Variants in KCNIP1 observed in about 807,000 individuals in gnomAD.
The protein encoded by KCNIP1 is potassium voltage-gated channel interacting protein 1.
KCNIP1 carries 18 observed loss-of-function variants against 33.0 expected under a neutral mutation model. That is an observed-to-expected ratio of 0.55 (90% CI 0.38 to 0.81). KCNIP1 has a LOEUF of 0.81. Ranked by LOEUF, KCNIP1 falls within the 30% of genes least tolerant of loss-of-function variation. The pLI, the probability that KCNIP1 is intolerant of heterozygous loss-of-function variation, is 0.00. For missense variants in KCNIP1, 238 were observed against 271.6 expected, an observed-to-expected ratio of 0.88 and a Z score of 0.87; for synonymous variants, 93 against 98.3, an observed-to-expected ratio of 0.95 and a Z score of 0.32.
At chr5:170,353,955 C>T in exon 1 of KCNIP1, 1 of 1,614,096 alleles carries the variant, frequency 6.2e-7, no homozygotes, top group South Asian at 1.1e-5. Flanking sequence ...CACTGGGACC[C>T]TCAGCAAAGG....
At chr5:170,527,134 T>C (rs186700839) in intron 1 of KCNIP1, among the ~76,000 whole-genome samples, 35 of 152,298 alleles carry the variant, frequency 2.3e-4, no homozygotes, top group Admixed American at 2.3e-3. Flanking sequence ...CCTTTCTCCA[T>C]GCTCCAAAAC....
intron 1 of KCNIP1, among the ~76,000 whole-genome samples, chr5:170,563,628 TTTTG>T (rs1757107595): frequency 1.2e-5 from 1 of 86,182 alleles, no homozygotes; most frequent in Non-Finnish European, 2.2e-5. Flanking sequence ...TTTTAAGGTG[TTTTG>T]TTTTTTTTTT....
intron 1 of KCNIP1, among the ~76,000 whole-genome samples, chr5:170,598,942 T>TGTGTGTGTG (rs1758581504): frequency 1.4e-5 from 2 of 146,370 alleles, no homozygotes; most frequent in South Asian, 2.2e-4. Context: ...TGTGTGTGTG[T>TGTGTGTGTG]TTGGTGGGGT....
At chr5:170,404,275 T>C (rs1163881137) in intron 1 of KCNIP1, among the ~76,000 whole-genome samples, 1 of 152,262 alleles carries the variant, frequency 6.6e-6, no homozygotes, top group Non-Finnish European at 1.5e-5. Flanking sequence ...TACCATTTAA[T>C]AAATGTACTA....
At chr5:170,575,232 C>G (rs1757557769) in intron 1 of KCNIP1, among the ~76,000 whole-genome samples, 1 of 152,152 alleles carries the variant, frequency 6.6e-6, no homozygotes, top group African/African-American at 2.4e-5. Flanking sequence ...AGTTTTATAG[C>G]TGAATAAGAG....
upstream of KCNIP1, among the ~76,000 whole-genome samples, chr5:170,503,393 C>CAAAAA (rs10628243): frequency 4.4e-5 from 5 of 112,500 alleles, no homozygotes; most frequent in Admixed American, 9.1e-5. Context: ...GACTCCGTCT[C>CAAAAA]AAAAAAAAAA....
At chr5:170,614,986 C>T (rs893185025) in intron 1 of KCNIP1, among the ~76,000 whole-genome samples, 2 of 152,260 alleles carry the variant, frequency 1.3e-5, no homozygotes, top group Admixed American at 6.5e-5. Context: ...GAGGCCAAGG[C>T]GGGTGAATCA....
At chr5:170,681,100 A>G (rs1249399210) in intron 1 of KCNIP1, 3 of 399,386 alleles carry the variant, frequency 7.5e-6, no homozygotes, top group Non-Finnish European at 8.8e-6. Context: ...GAAGGGCTCC[A>G]GACACTGGGA....
chr5:170,723,959 G>A (rs2113879307), intron 5 of KCNIP1, among the ~76,000 whole-genome samples: 1 of 152,338 alleles, frequency 6.6e-6, no homozygotes, highest in East Asian at 1.9e-4. Flanking sequence ...GTATGAAGCT[G>A]AAGACTAGTG....
At chr5:170,663,269 A>G (rs1447771102) in intron 1 of KCNIP1, among the ~76,000 whole-genome samples, 2 of 152,178 alleles carry the variant, frequency 1.3e-5, no homozygotes, top group Non-Finnish European at 2.9e-5. Context: ...TTTGACTTTA[A>G]AGTCCCAGCC....
At chr5:170,675,636 G>T (rs1033163430) in intron 1 of KCNIP1, among the ~76,000 whole-genome samples, 11 of 152,206 alleles carry the variant, frequency 7.2e-5, no homozygotes, top group African/African-American at 1.9e-4. Context: ...AAAATAAATT[G>T]CTCTGTAAGT....
chr5:170,381,568 G>A (rs966717310), intron 1 of KCNIP1, among the ~76,000 whole-genome samples: 1 of 152,176 alleles, frequency 6.6e-6, no homozygotes, highest in East Asian at 1.9e-4. Context: ...GCAAAAACAC[G>A]AAGGGCATTT....
At chr5:170,593,743 C>T (rs926445194) in intron 1 of KCNIP1, among the ~76,000 whole-genome samples, 2 of 152,164 alleles carry the variant, frequency 1.3e-5, no homozygotes, top group African/African-American at 4.8e-5. Flanking sequence ...GGCCTCATCC[C>T]TGTGTTCTCA....
intron 1 of KCNIP1, among the ~76,000 whole-genome samples, chr5:170,370,616 T>C (rs1763818593): frequency 1.3e-5 from 2 of 152,216 alleles, no homozygotes; most frequent in Non-Finnish European, 2.9e-5. Flanking sequence ...TGAGGCTGCT[T>C]GGGGCGAATG....
At chr5:170,623,235 T>C (rs1406187923) in intron 1 of KCNIP1, among the ~76,000 whole-genome samples, 3 of 151,336 alleles carry the variant, frequency 2.0e-5, no homozygotes, top group African/African-American at 7.3e-5. Context: ...TTTTTTGAGA[T>C]GGAGTTTCGC....
intron 1 of KCNIP1, among the ~76,000 whole-genome samples, chr5:170,458,329 A>G (rs1023497154): frequency 3.3e-5 from 5 of 152,216 alleles, no homozygotes; most frequent in Non-Finnish European, 5.9e-5. Flanking sequence ...AGACATCCAA[A>G]TACAAGAGGC....
At chr5:170,689,309 G>C (rs1762641418) in intron 1 of KCNIP1, among the ~76,000 whole-genome samples, 1 of 152,206 alleles carries the variant, frequency 6.6e-6, no homozygotes, top group Middle Eastern at 3.2e-3. Flanking sequence ...ATCAGAAAGA[G>C]AGCCTTGCAT....
chr5:170,698,935 G>A (rs1031981567), intron 1 of KCNIP1, among the ~76,000 whole-genome samples: 2 of 151,974 alleles, frequency 1.3e-5, no homozygotes, highest in Non-Finnish European at 2.9e-5. Flanking sequence ...CCAAGCCGGA[G>A]GATCTCCACC....
Position 170,504,678 on chromosome 5 carries a change from T to TG in KCNIP1, c.61+46dup. On this transcript the variant is annotated intron_variant, in intron 1 of 7. Transcript: ENST00000328939. The surrounding 1 kb of genome is among the most constrained non-coding windows in gnomAD (Gnocchi z 6.0). ...TTGTTCCCCTGTCTGGGCTTGGGGGTGCTAGGCGCCGAGGTGGGCTGTGCC... is the reference window on the plus strand; with the variant it reads ...TTGTTCCCCTGTCTGGGCTTGGGGGTGGCTAGGCGCCGAGGTGGGCTGTGCC... 6.4e-7 allele frequency: 1 copy of TG among 1,550,474 alleles called. No individual in the cohort carries two copies. The highest frequency in any genetic ancestry group is 8.9e-7 in the Non-Finnish European group (1 of 1,122,834).
Sources: gnomAD v4.1 joint callset for allele counts (sites outside exome capture counted in the v4.1 genomes callset) on GRCh38, gnomAD v4.1.1 for gene constraint, Gnocchi (gnomAD v3.1) non-coding constraint, MANE v1.5 for transcripts, NCBI Gene and HGNC (gene_info 2026-07-23, HGNC 2026-07-21) for gene names.